The following BMPR1B variants were observed in gnomAD, a reference collection of about 807,000 sequenced individuals.
BMPR1B encodes the protein bone morphogenetic protein receptor type-1B.
BMPR1B carries 12 observed loss-of-function variants against 59.1 expected under a neutral mutation model. The observed-to-expected ratio is 0.20, with a 90% CI of 0.13 to 0.33. The LOEUF (loss-of-function observed/expected upper bound fraction) is 0.33, where lower values mean the gene tolerates loss of function less well. Ranked by LOEUF, BMPR1B falls within the 10% of genes least tolerant of loss-of-function variation. The pLI, the probability that BMPR1B is intolerant of heterozygous loss-of-function variation, is 1.00. For synonymous variants in BMPR1B, 237 were observed against 207.3 expected, an observed-to-expected ratio of 1.14 and a Z score of -1.23; for missense variants, 550 against 610.9, an observed-to-expected ratio of 0.90 and a Z score of 1.05.
chr4:95,082,269 G>A (rs771158809), intron 3 of BMPR1B, among the ~76,000 whole-genome samples: 6 of 150,642 alleles, frequency 4.0e-5, no homozygotes, highest in Admixed American at 1.3e-4. Flanking sequence ...CAGAAAATTT[G>A]GTATCCTCAG....
chr4:94,936,988 C>T (rs1729331187), intron 2 of BMPR1B, among the ~76,000 whole-genome samples: 2 of 152,094 alleles, frequency 1.3e-5, no homozygotes, highest in Non-Finnish European at 2.9e-5. Flanking sequence ...TGCAGTGACC[C>T]CCAGTGCCTC....
chr4:94,849,649 T>C (rs1725488523), intron 1 of BMPR1B, among the ~76,000 whole-genome samples: 1 of 151,944 alleles, frequency 6.6e-6, no homozygotes, highest in South Asian at 2.1e-4. Flanking sequence ...TGGGATCTCA[T>C]GCAAAAACAG....
At chr4:94,944,348 G>A (rs1366277333) in intron 2 of BMPR1B, among the ~76,000 whole-genome samples, 3 of 152,106 alleles carry the variant, frequency 2.0e-5, no homozygotes, top group South Asian at 2.1e-4. Flanking sequence ...ACTAAAATTA[G>A]GAAACTGGAC....
chr4:94,834,250 G>A (rs905391072), intron 1 of BMPR1B, among the ~76,000 whole-genome samples: 8 of 152,080 alleles, frequency 5.3e-5, no homozygotes, highest in African/African-American at 7.2e-5. Context: ...CTGAGATTTA[G>A]GACAAGTTGG....
At chr4:95,124,463 A>G (rs1473978058) in intron 7 of BMPR1B, among the ~76,000 whole-genome samples, 2 of 152,082 alleles carry the variant, frequency 1.3e-5, no homozygotes, top group Non-Finnish European at 2.9e-5. Context: ...GATACTCTGC[A>G]AATGGTCAGA....
At chr4:95,038,233 C>T (rs1421791587) in intron 3 of BMPR1B, among the ~76,000 whole-genome samples, 1 of 152,030 alleles carries the variant, frequency 6.6e-6, no homozygotes, top group Non-Finnish European at 1.5e-5. Context: ...GTTTGAGGAA[C>T]AGGATGAAGA....
At chr4:94,845,925 G>C (rs75697145) in intron 1 of BMPR1B, among the ~76,000 whole-genome samples, 115 of 152,274 alleles carry the variant, frequency 7.6e-4, no homozygotes, top group Non-Finnish European at 1.4e-3. Context: ...TTCTTCCTTA[G>C]TAATCTGTGT....
chr4:95,150,456 A>G (rs200734061), intron 11 of BMPR1B, among the ~76,000 whole-genome samples: 9 of 23,460 alleles, frequency 3.8e-4, no homozygotes, highest in African/African-American at 2.1e-3. Context: ...TTTAAAAAGA[A>G]AAAAAAAAAA....
At chr4:94,788,649 C>A (rs1186945934) in intron 1 of BMPR1B, among the ~76,000 whole-genome samples, 1 of 152,126 alleles carries the variant, frequency 6.6e-6, no homozygotes, top group African/African-American at 2.4e-5. Context: ...AAATCTCTTT[C>A]TAGGCAAGTG....
At chr4:95,145,665 T>C (rs1734588491) in intron 10 of BMPR1B, among the ~76,000 whole-genome samples, 1 of 152,234 alleles carries the variant, frequency 6.6e-6, no homozygotes, top group Admixed American at 6.5e-5. Context: ...GAGAAAGAAA[T>C]GTAGTCTAAT....
At chr4:94,984,449 T>C (rs1329757928) in intron 2 of BMPR1B, among the ~76,000 whole-genome samples, 2 of 152,174 alleles carry the variant, frequency 1.3e-5, no homozygotes. Flanking sequence ...AATCCCTATG[T>C]AGAGGCCCTA....
intron 2 of BMPR1B, among the ~76,000 whole-genome samples, chr4:94,995,051 A>C (rs1169875406): frequency 6.6e-6 from 1 of 152,080 alleles, no homozygotes; most frequent in Non-Finnish European, 1.5e-5. Flanking sequence ...CAAACAAATG[A>C]TTATCTTTGA....
At chr4:94,822,440 G>A (rs1453676606) in intron 1 of BMPR1B, among the ~76,000 whole-genome samples, 1 of 152,168 alleles carries the variant, frequency 6.6e-6, no homozygotes, top group Non-Finnish European at 1.5e-5. Context: ...TGATGGTTGG[G>A]TAGATGGGTA....
intron 1 of BMPR1B, among the ~76,000 whole-genome samples, chr4:94,847,417 A>G (rs1725378264): frequency 6.6e-6 from 1 of 152,220 alleles, no homozygotes; most frequent in Non-Finnish European, 1.5e-5. Flanking sequence ...CATATGATCC[A>G]GCCATTCCAC....
chr4:95,152,170 C>T (rs1221619850), intron 11 of BMPR1B, among the ~76,000 whole-genome samples: 1 of 152,058 alleles, frequency 6.6e-6, no homozygotes, highest in Non-Finnish European at 1.5e-5. Context: ...CACATTCCTA[C>T]AATTAAGCAG....
intron 3 of BMPR1B, among the ~76,000 whole-genome samples, chr4:95,089,294 C>G (rs1399974456): frequency 6.6e-6 from 1 of 151,966 alleles, no homozygotes; most frequent in African/African-American, 2.4e-5. Context: ...CACATAGCAT[C>G]CCAGATACAG....
intron 3 of BMPR1B, among the ~76,000 whole-genome samples, chr4:95,071,642 G>A (rs931000225): frequency 1.2e-5 from 1 of 83,440 alleles, no homozygotes; most frequent in African/African-American, 5.5e-5. Flanking sequence ...TTGTGTGTGT[G>A]TGTGTGTGTG....
chr4:95,133,604 C>G (rs868409491), intron 10 of BMPR1B, among the ~76,000 whole-genome samples: 1 of 152,060 alleles, frequency 6.6e-6, no homozygotes, highest in South Asian at 2.1e-4. Context: ...CAAAGAGTGG[C>G]TCTGTCACCC....
intron 3 of BMPR1B, among the ~76,000 whole-genome samples, chr4:95,001,184 C>T (rs762252094): frequency 1.1e-4 from 16 of 152,066 alleles, no homozygotes; most frequent in Non-Finnish European, 2.1e-4. Context: ...TGTTGGTGTG[C>T]TGCACCCATT....
Sources: allele counts gnomAD v4.1 joint callset (sites outside exome capture counted in the v4.1 genomes callset), GRCh38; gene constraint gnomAD v4.1.1; transcripts MANE v1.5; gene names NCBI Gene and HGNC (gene_info 2026-07-23, HGNC 2026-07-21).